The following MACROD2 variants were observed in gnomAD, a reference collection of about 807,000 sequenced individuals.
The protein encoded by MACROD2 is mono-ADP ribosylhydrolase 2.
In MACROD2, 36 loss-of-function variants were observed where a neutral mutation model predicts 70.4. The ratio of observed to expected loss-of-function variants is 0.51; its 90% CI spans 0.39 to 0.68. The LOEUF (loss-of-function observed/expected upper bound fraction) is 0.68. Ranked by LOEUF, MACROD2 falls within the 30% of genes least tolerant of loss-of-function variation. The probability of loss-of-function intolerance (pLI) is 0.00; values close to 1 mark genes in which losing one functional copy is unlikely to be tolerated. For missense variants in MACROD2, 496 were observed against 538.4 expected (o/e 0.92, Z 0.78); for synonymous variants, 172 against 178.8 (o/e 0.96, Z 0.30).
At chr20:15,587,202 G>A (rs1281018089) in intron 8 of MACROD2, among the ~76,000 whole-genome samples, 1 of 152,134 alleles carries the variant, frequency 6.6e-6, no homozygotes, top group Non-Finnish European at 1.5e-5. Context: ...AAATGAGGAG[G>A]AAGCAAAAGT....
intron 3 of MACROD2, chr20:14,327,657 C>T: frequency 2.3e-6 from 2 of 887,234 alleles, no homozygotes; most frequent in East Asian, 2.8e-5. Context: ...TCCATAATCA[C>T]TTTTAATATT....
At chr20:14,643,464 ATT>A (rs1438751803) in intron 4 of MACROD2, among the ~76,000 whole-genome samples, 29 of 152,310 alleles carry the variant, frequency 1.9e-4, no homozygotes, top group African/African-American at 7.0e-4. Context: ...TGGCACTGAC[ATT>A]TTGTGAAAAC....
At chr20:15,005,608 A>G (rs1230580977) in intron 5 of MACROD2, among the ~76,000 whole-genome samples, 1 of 152,166 alleles carries the variant, frequency 6.6e-6, no homozygotes, top group East Asian at 1.9e-4. Context: ...CATCTCCTTT[A>G]TCCCCCACAA....
chr20:15,606,255 C>T (rs2048891458), intron 8 of MACROD2, among the ~76,000 whole-genome samples: 1 of 152,162 alleles, frequency 6.6e-6, no homozygotes, highest in African/African-American at 2.4e-5. Context: ...ATTTGGATGG[C>T]CCCACTCTCG....
chr20:15,240,605 A>G (rs1268050568), intron 6 of MACROD2, among the ~76,000 whole-genome samples: 1 of 152,220 alleles, frequency 6.6e-6, no homozygotes, highest in Admixed American at 6.5e-5. Flanking sequence ...GGGATAACAT[A>G]TATCAGTAAC....
intron 4 of MACROD2, among the ~76,000 whole-genome samples, chr20:14,602,237 T>C (rs973552799): frequency 6.6e-6 from 1 of 152,160 alleles, no homozygotes; most frequent in Non-Finnish European, 1.5e-5. Context: ...GAGGCCAGGC[T>C]CCTCCCTTGC....
intron 5 of MACROD2, among the ~76,000 whole-genome samples, chr20:14,774,461 G>GT (rs2072209380): frequency 1.3e-5 from 2 of 152,032 alleles, no homozygotes; most frequent in African/African-American, 4.8e-5. Context: ...ACACCAGTGA[G>GT]TAAGGGAACA....
intron 5 of MACROD2, among the ~76,000 whole-genome samples, chr20:15,068,458 A>AC (rs775500738): frequency 2.6e-5 from 4 of 151,926 alleles, no homozygotes; most frequent in Non-Finnish European, 2.9e-5. Flanking sequence ...TAGAAATGTG[A>AC]CCCCCCGTGT....
At chr20:14,405,430 A>T (rs897867018) in intron 3 of MACROD2, among the ~76,000 whole-genome samples, 14 of 152,310 alleles carry the variant, frequency 9.2e-5, no homozygotes, top group African/African-American at 3.4e-4. Flanking sequence ...GGTTAGAAAT[A>T]TCCTATAGGC....
At chr20:14,521,742 T>C (rs190094373) in intron 4 of MACROD2, among the ~76,000 whole-genome samples, 26 of 152,346 alleles carry the variant, frequency 1.7e-4, no homozygotes, top group Middle Eastern at 3.4e-3. Flanking sequence ...CTATTCATCA[T>C]GTAGTCAGTA....
chr20:14,352,888 T>A (rs2083137133), intron 3 of MACROD2, among the ~76,000 whole-genome samples: 1 of 152,170 alleles, frequency 6.6e-6, no homozygotes, highest in South Asian at 2.1e-4. Flanking sequence ...CTTTAGCTTC[T>A]TCATTAAAAA....
intron 3 of MACROD2, among the ~76,000 whole-genome samples, chr20:14,436,072 C>T (rs2122943635): frequency 6.6e-6 from 1 of 152,114 alleles, no homozygotes; most frequent in Admixed American, 6.5e-5. Context: ...CCAGAACATA[C>T]ACAATACAAA....
chr20:14,989,513 CAA>C (rs1322847398), intron 5 of MACROD2, among the ~76,000 whole-genome samples: 5 of 152,096 alleles, frequency 3.3e-5, no homozygotes, highest in East Asian at 1.9e-4. Flanking sequence ...GAGGCAGACT[CAA>C]GAGAGAGTCA....
At chr20:15,188,928 C>T (rs1477339644) in intron 5 of MACROD2, among the ~76,000 whole-genome samples, 1 of 152,130 alleles carries the variant, frequency 6.6e-6, no homozygotes, top group Non-Finnish European at 1.5e-5. Flanking sequence ...TAAATTTCAC[C>T]ACTGTTGATT....
At chr20:15,084,068 T>TTG (rs1555780869) in intron 5 of MACROD2, among the ~76,000 whole-genome samples, 3 of 57,746 alleles carry the variant, frequency 5.2e-5, no homozygotes, top group Non-Finnish European at 7.3e-5. Context: ...GGTTTTTTTT[T>TTG]TTTGTTTTTT....
chr20:15,443,395 GATAATAGTTC>G (rs2046521696), intron 7 of MACROD2, among the ~76,000 whole-genome samples: 1 of 152,090 alleles, frequency 6.6e-6, no homozygotes, highest in Non-Finnish European at 1.5e-5. Flanking sequence ...TAGAGCTGAA[GATAATAGTTC>G]ATACCTGTTT....
intron 4 of MACROD2, among the ~76,000 whole-genome samples, chr20:14,556,177 T>C (rs73901281): frequency 0.037 from 5,647 of 152,076 alleles, 346 homozygotes; most frequent in African/African-American, 0.13. Context: ...AGGACACAAA[T>C]AGGCATTTTT....
chr20:14,442,592 G>A (rs1203021462), intron 3 of MACROD2, among the ~76,000 whole-genome samples: 1 of 151,906 alleles, frequency 6.6e-6, no homozygotes, highest in Non-Finnish European at 1.5e-5. Context: ...CATGAAATGG[G>A]AATTAATAAT....
chr20:15,248,760 C>A (rs549983869), intron 6 of MACROD2, among the ~76,000 whole-genome samples: 39 of 152,286 alleles, frequency 2.6e-4, no homozygotes, highest in African/African-American at 9.4e-4. Context: ...AATCCAGGAG[C>A]TGTTCTAGGT....
Sources: gnomAD v4.1 joint callset for allele counts (sites outside exome capture counted in the v4.1 genomes callset) on GRCh38, gnomAD v4.1.1 for gene constraint, MANE v1.5 for transcripts, NCBI Gene and HGNC (gene_info 2026-07-23, HGNC 2026-07-21) for gene names.